PCDH17: variants seen among roughly 807,000 people sequenced by gnomAD.
The protein encoded by PCDH17 is protocadherin 17.
PCDH17 carries 21 observed loss-of-function variants against 67.7 expected under a neutral mutation model. That is an observed-to-expected ratio of 0.31 (90% CI 0.22 to 0.45). The LOEUF (loss-of-function observed/expected upper bound fraction) is 0.45. PCDH17 is among the 20% of genes least tolerant of loss of function. PCDH17 has a pLI of 1.00. For missense variants in PCDH17, 1,471 were observed against 1,564.8 expected (o/e 0.94, Z 1.01); for synonymous variants, 701 against 656.7 (o/e 1.07, Z -1.03).
intron 3 of PCDH17, among the ~76,000 whole-genome samples, chr13:57,701,834 A>G (rs945889091): frequency 1.3e-5 from 2 of 152,138 alleles, no homozygotes; most frequent in Admixed American, 6.6e-5. Context: ...TATTTGTTTT[A>G]TTACATATTT....
At chr13:57,705,294 C>A (rs1183435807) in intron 3 of PCDH17, among the ~76,000 whole-genome samples, 1 of 151,888 alleles carries the variant, frequency 6.6e-6, no homozygotes, top group Admixed American at 6.6e-5. Flanking sequence ...TAATCAATGC[C>A]TTTTAATAAA....
At chr13:57,695,735 C>T (rs1469776267) in intron 3 of PCDH17, among the ~76,000 whole-genome samples, 1 of 151,324 alleles carries the variant, frequency 6.6e-6, no homozygotes, top group African/African-American at 2.4e-5. Context: ...GCCACTACCA[C>T]GTCTCTACTT....
Position 57,633,647 on chromosome 13 carries a change from C to A in PCDH17, c.1101C>A (p.Pro367=), listed in dbSNP as rs539470525. 1 of 1,608,310 alleles carries A rather than the reference C, an allele frequency of 6.2e-7. No individual in the cohort carries two copies. Among genetic ancestry groups the A allele is most frequent in the East Asian group, 2.2e-5 (1 of 44,856 alleles). Residue 367 remains proline, a synonymous_variant, in exon 1 of 4, where the codon CCC becomes CCA. Transcript: ENST00000377918. The surrounding 1 kb of genome is among the most constrained non-coding windows in gnomAD (Gnocchi z 6.2). ...GGGCGCTGAGCGAGGCCGCCCCTCC[C>A]GGCACCGTCATCGCCCTGGTGCGGG... ...RQGALSEAAP[P]GTVIALVRVT...
chr13:57,651,356 G>GTTTTTTTT, intron 1 of PCDH17, among the ~76,000 whole-genome samples: 1 of 84,100 alleles, frequency 1.2e-5, no homozygotes, highest in Non-Finnish European at 2.2e-5. Flanking sequence ...TTTAATTGAG[G>GTTTTTTTT]TTTTTTTTTT....
chr13:57,697,312 C>T (rs944884687), intron 3 of PCDH17, among the ~76,000 whole-genome samples: 6 of 151,608 alleles, frequency 4.0e-5, no homozygotes, highest in African/African-American at 1.4e-4. Context: ...CAAATTTTTG[C>T]ATGTGTTCTG....
intron 3 of PCDH17, among the ~76,000 whole-genome samples, chr13:57,704,585 C>G (rs1355907048): frequency 6.7e-6 from 1 of 149,082 alleles, no homozygotes; most frequent in African/African-American, 2.5e-5. Flanking sequence ...AACAAAAAAA[C>G]TACTGAAACC....
At chr13:57,674,512 G>A (rs1955364782) in intron 3 of PCDH17, among the ~76,000 whole-genome samples, 1 of 151,682 alleles carries the variant, frequency 6.6e-6, no homozygotes, top group African/African-American at 2.4e-5. Context: ...TTATTTATAG[G>A]TATGGGGTCT....
Position 57,703,003 on chromosome 13 carries a change from G to C in PCDH17, c.2798-21609G>C, listed in dbSNP as rs1955682579. On this transcript the variant is annotated intron_variant, in intron 3 of 3. Coordinates refer to ENST00000377918, the MANE Select transcript of PCDH17 (RefSeq NM_001040429.3). Reference sequence around the variant, plus strand: ...CGTTTGCATGTGCACATGTGCATATGTGTGTTCTGTCTTGTTTTCATTTTT... The same window carrying C: ...CGTTTGCATGTGCACATGTGCATATCTGTGTTCTGTCTTGTTTTCATTTTT... Among the ~76,000 whole-genome samples, 4 of 152,280 alleles carry C rather than the reference G, an allele frequency of 2.6e-5. No individual in the cohort carries two copies. In the South Asian group the frequency reaches 6.2e-4, roughly 24 times the overall value.
At chr13:57,644,842 G>A (rs917729811) in intron 1 of PCDH17, among the ~76,000 whole-genome samples, 1 of 151,612 alleles carries the variant, frequency 6.6e-6, no homozygotes, top group African/African-American at 2.4e-5. Context: ...TTTCCATCAC[G>A]CTCTTCGGTT....
rs563173261 is a variant in PCDH17 at position 57,728,475 on chromosome 13, C to G, written c.*3181C>G. ...AAAAAAAATCACTTCATGGAAATTT[C>G]AGTAAGAAACCCAAACTTCTAAAAA... On this transcript the variant is annotated 3_prime_UTR_variant, in exon 4 of 4. Coordinates refer to ENST00000377918, the MANE Select transcript of PCDH17 (RefSeq NM_001040429.3). The G allele has an allele frequency of 3.7e-5, 4 of 109,340 alleles. No homozygotes were observed. Among genetic ancestry groups the G allele is most frequent in the African/African-American group, 1.4e-4 (4 of 28,614 alleles). The allele number at this position is 109,340 out of a possible 1,614,324, so 6.8% of individuals were successfully genotyped here.
At chr13:57,648,962 T>C (rs748261578) in intron 1 of PCDH17, among the ~76,000 whole-genome samples, 3 of 152,074 alleles carry the variant, frequency 2.0e-5, no homozygotes, top group Non-Finnish European at 4.4e-5. Flanking sequence ...GTGTCTAATA[T>C]AGGAAGTACA....
upstream of PCDH17, among the ~76,000 whole-genome samples, chr13:57,630,126 G>C (rs1290211479): frequency 6.6e-6 from 1 of 152,222 alleles, no homozygotes; most frequent in Non-Finnish European, 1.5e-5. Context: ...AGAGACGCTG[G>C]GGAGAGAGCA....
intron 1 of PCDH17, among the ~76,000 whole-genome samples, chr13:57,652,804 C>T (rs1043488133): frequency 1.3e-5 from 2 of 151,972 alleles, no homozygotes; most frequent in Non-Finnish European, 2.9e-5. Flanking sequence ...GCTCTTATAC[C>T]ACCGGGATCT....
intron 1 of PCDH17, among the ~76,000 whole-genome samples, chr13:57,656,360 T>C (rs912893983): frequency 3.3e-5 from 5 of 152,086 alleles, no homozygotes; most frequent in Non-Finnish European, 7.4e-5. Flanking sequence ...TATTAGCAGG[T>C]TTCTTAAATT....
intron 3 of PCDH17, among the ~76,000 whole-genome samples, chr13:57,723,889 A>G (rs1256482209): frequency 6.6e-6 from 1 of 152,210 alleles, no homozygotes; most frequent in East Asian, 1.9e-4. Flanking sequence ...GGAAATCATG[A>G]TTTGTCATTC....
Position 57,634,617 on chromosome 13 carries a change from G to A in PCDH17, c.2071G>A (p.Gly691Arg), listed in dbSNP as rs1188583244. The A allele has an allele frequency of 7.4e-6, 12 of 1,613,410 alleles. No homozygotes were observed. Among genetic ancestry groups the A allele is most frequent in the Non-Finnish European group, 1.0e-5 (12 of 1,179,986 alleles). The change falls in exon 1 of 4, where the codon GGG (glycine) becomes AGG (arginine). Residue 691 changes from glycine (G) to arginine (R), a missense_variant. Gly to Arg is a moderately radical substitution (Grantham distance 125). Transcript: ENST00000377918. The surrounding 1 kb of genome is among the most constrained non-coding windows in gnomAD (Gnocchi z 7.8). The stretch of plus-strand genomic sequence containing the variant: ...CTCGGTGAGCGGATCCCTTCCCGAG[G>A]GGGTACCACGGGTGAATGGCGAGCA... ...IRSVSGSLPE[G>R]VPRVNGEQHH...
At chr13:57,695,127 A>G (rs1056751971) in intron 3 of PCDH17, among the ~76,000 whole-genome samples, 2 of 151,314 alleles carry the variant, frequency 1.3e-5, no homozygotes, top group African/African-American at 2.4e-5. Flanking sequence ...AATGAAATCA[A>G]TTATGTTTTT....
At chr13:57,695,904 T>G (rs1217001979) in intron 3 of PCDH17, among the ~76,000 whole-genome samples, 1 of 151,494 alleles carries the variant, frequency 6.6e-6, no homozygotes, top group Non-Finnish European at 1.5e-5. Context: ...TTGTTTCATA[T>G]AAAAGTAGAC....
At chr13:57,722,714 C>T (rs957145898) in intron 3 of PCDH17, among the ~76,000 whole-genome samples, 1 of 152,152 alleles carries the variant, frequency 6.6e-6, no homozygotes, top group Admixed American at 6.5e-5. Context: ...CTCCTGGGCT[C>T]AAGCCATCTT....
Sources: gnomAD v4.1 joint callset for allele counts (sites outside exome capture counted in the v4.1 genomes callset) on GRCh38, gnomAD v4.1.1 for gene constraint, Gnocchi (gnomAD v3.1) non-coding constraint, MANE v1.5 for transcripts, NCBI Gene and HGNC (gene_info 2026-07-23, HGNC 2026-07-21) for gene names.